The following FSTL5 variants were observed in gnomAD, a reference collection of about 807,000 sequenced individuals.
The protein encoded by FSTL5 is follistatin like 5.
In FSTL5, 62 loss-of-function variants were observed where a neutral mutation model predicts 89.1. That is an observed-to-expected ratio of 0.70 (90% CI 0.57 to 0.86). FSTL5 has a LOEUF of 0.86. FSTL5 is among the 40% of genes least tolerant of loss of function. The probability of loss-of-function intolerance (pLI) is 0.00; values close to 1 mark genes in which losing one functional copy is unlikely to be tolerated. For synonymous variants in FSTL5, 383 were observed against 346.2 expected, an observed-to-expected ratio of 1.11 and a Z score of -1.18; for missense variants, 1,057 against 1,001.6, an observed-to-expected ratio of 1.06 and a Z score of -0.75.
At chr4:161,872,911 G>T (rs1732321243) in intron 4 of FSTL5, among the ~76,000 whole-genome samples, 1 of 152,116 alleles carries the variant, frequency 6.6e-6, no homozygotes, top group Non-Finnish European at 1.5e-5. Context: ...GGAGACTCAA[G>T]ATGGGATAGA....
At chr4:161,866,492 G>GTGTGTGTT (rs1732095859) in intron 4 of FSTL5, among the ~76,000 whole-genome samples, 4 of 150,934 alleles carry the variant, frequency 2.7e-5, no homozygotes, top group African/African-American at 7.3e-5. Context: ...GTGTGTGTGT[G>GTGTGTGTT]TGTGTGTGTG....
At chr4:161,763,422 T>G (rs1234991098) in intron 5 of FSTL5, among the ~76,000 whole-genome samples, 1 of 152,026 alleles carries the variant, frequency 6.6e-6, no homozygotes, top group African/African-American at 2.4e-5. Flanking sequence ...ATTTCTGGGA[T>G]TAGGGGATGA....
intron 7 of FSTL5, among the ~76,000 whole-genome samples, chr4:161,629,157 A>T (rs17343657): frequency 1.3e-5 from 2 of 151,950 alleles, no homozygotes; most frequent in African/African-American, 2.4e-5. Flanking sequence ...GCTGTCCAAC[A>T]TAAGTCTCAC....
chr4:162,101,854 CTT>C (rs1027094704), intron 2 of FSTL5, among the ~76,000 whole-genome samples: 2 of 152,120 alleles, frequency 1.3e-5, no homozygotes, highest in Admixed American at 6.5e-5. Context: ...CAGAAAATAA[CTT>C]ATAATTAATT....
chr4:161,975,280 G>T (rs1475564728), intron 3 of FSTL5, among the ~76,000 whole-genome samples: 2 of 150,278 alleles, frequency 1.3e-5, no homozygotes, highest in Non-Finnish European at 3.0e-5. Context: ...TATAAATCAT[G>T]CTGCTATAAA....
chr4:161,873,933 T>C (rs1732357178), intron 4 of FSTL5, among the ~76,000 whole-genome samples: 1 of 152,098 alleles, frequency 6.6e-6, no homozygotes, highest in Non-Finnish European at 1.5e-5. Flanking sequence ...GTTTGTCTTT[T>C]GTGTTGTGAA....
intron 3 of FSTL5, among the ~76,000 whole-genome samples, chr4:161,992,924 A>G (rs59484870): frequency 3.4e-4 from 5 of 14,556 alleles, no homozygotes; most frequent in Admixed American, 1.1e-3. Context: ...ATATATATAT[A>G]TGTGTGTATA....
chr4:161,771,654 T>C (rs1019316812), intron 5 of FSTL5, among the ~76,000 whole-genome samples: 1 of 152,132 alleles, frequency 6.6e-6, no homozygotes, highest in Non-Finnish European at 1.5e-5. Flanking sequence ...TCTTAATCTT[T>C]GTTGATGTCC....
intron 4 of FSTL5, among the ~76,000 whole-genome samples, chr4:161,858,441 T>C (rs372984963): frequency 6.6e-6 from 1 of 152,158 alleles, no homozygotes; most frequent in African/African-American, 2.4e-5. Context: ...GGCACTATGA[T>C]AGACACTGAT....
chr4:161,542,620 A>G lies in FSTL5; in HGVS notation c.1089T>C (p.His363=). 8 of 1,569,508 alleles carry G rather than the reference A, an allele frequency of 5.1e-6. No individual in the cohort carries two copies. Among genetic ancestry groups the G allele is most frequent in the Non-Finnish European group, 6.9e-6 (8 of 1,154,520 alleles). Residue 363 remains histidine (H), a synonymous_variant, in exon 9 of 16, where the codon CAT becomes CAC. Coordinates refer to ENST00000306100, the MANE Select transcript of FSTL5 (RefSeq NM_020116.5). ...EPGVTASLRC[H]AEGIPKPQLG... is the part of the protein sequence containing the mutation. ...GCTGAGGCTTTGGTATGCCCTCTGC[A>G]TGGCACCTAAGACTGGCAGTTACCC...
intron 3 of FSTL5, among the ~76,000 whole-genome samples, chr4:161,992,768 C>T (rs1736148905): frequency 6.8e-6 from 1 of 146,526 alleles, no homozygotes; most frequent in Non-Finnish European, 1.5e-5. Context: ...CGCTTGAACC[C>T]GGGAGTTGGA....
intron 3 of FSTL5, among the ~76,000 whole-genome samples, chr4:161,974,504 G>C (rs1434666648): frequency 1.5e-5 from 2 of 132,912 alleles, no homozygotes; most frequent in Admixed American, 7.9e-5. Flanking sequence ...AATGGGGAAA[G>C]GATTCCCTAT....
intron 3 of FSTL5, among the ~76,000 whole-genome samples, chr4:161,975,013 CA>C (rs1196994518): frequency 7.6e-6 from 1 of 131,758 alleles, no homozygotes; most frequent in Non-Finnish European, 1.6e-5. Context: ...TGCTCATCAT[CA>C]CTGGCCATCA....
At chr4:161,705,619 G>T (rs558730284) in intron 6 of FSTL5, among the ~76,000 whole-genome samples, 3 of 151,614 alleles carry the variant, frequency 2.0e-5, no homozygotes, top group Non-Finnish European at 4.4e-5. Context: ...TACTGCCTGC[G>T]CTACTCTGTA....
At chr4:161,632,323 T>A (rs1430385627) in intron 7 of FSTL5, among the ~76,000 whole-genome samples, 1 of 152,070 alleles carries the variant, frequency 6.6e-6, no homozygotes, top group Non-Finnish European at 1.5e-5. Flanking sequence ...GAGGTTGCAA[T>A]GAGCAGAGAT....
At chr4:162,160,909 C>G (rs978504819) in intron 1 of FSTL5, among the ~76,000 whole-genome samples, 5 of 151,510 alleles carry the variant, frequency 3.3e-5, no homozygotes, top group African/African-American at 9.7e-5. Flanking sequence ...TTAAATCTCA[C>G]AAAACATAAA....
intron 4 of FSTL5, among the ~76,000 whole-genome samples, chr4:161,900,412 G>T (rs1441099756): frequency 1.3e-5 from 2 of 151,398 alleles, no homozygotes; most frequent in African/African-American, 4.9e-5. Flanking sequence ...GCAGGGGTGG[G>T]TGGATCACCT....
intron 7 of FSTL5, among the ~76,000 whole-genome samples, chr4:161,590,556 A>T (rs1335965643): frequency 6.6e-6 from 1 of 152,120 alleles, no homozygotes; most frequent in African/African-American, 2.4e-5. Context: ...AACAAAACAA[A>T]ACAAATAGTC....
At chr4:161,782,596 A>C (rs1436784653) in intron 4 of FSTL5, among the ~76,000 whole-genome samples, 1 of 152,332 alleles carries the variant, frequency 6.6e-6, no homozygotes, top group Middle Eastern at 3.4e-3. Flanking sequence ...GCATTGTTGA[A>C]TAGTTAAATA....
Sources: gnomAD v4.1 joint callset for allele counts (sites outside exome capture counted in the v4.1 genomes callset) on GRCh38, gnomAD v4.1.1 for gene constraint, MANE v1.5 for transcripts, NCBI Gene and HGNC (gene_info 2026-07-23, HGNC 2026-07-21) for gene names.